Variants in C1orf141 observed in about 807,000 individuals in gnomAD.
The protein encoded by C1orf141 is chromosome 1 open reading frame 141.
C1orf141 carries 19 observed loss-of-function variants against 23.2 expected under a neutral mutation model. The observed-to-expected ratio is 0.82, with a 90% CI of 0.57 to 1.20. C1orf141 has a LOEUF of 1.20. C1orf141 is among the 50% of genes most tolerant of loss of function. The probability of loss-of-function intolerance (pLI) is 0.00; values close to 1 mark genes in which losing one functional copy is unlikely to be tolerated. For missense variants in C1orf141, 469 were observed against 455.1 expected (o/e 1.03, Z -0.28); for synonymous variants, 153 against 154.6 (o/e 0.99, Z 0.08).
chr1:67,127,838 T>C (rs1646445657), intron 2 of C1orf141, among the ~76,000 whole-genome samples: 1 of 152,106 alleles, frequency 6.6e-6, no homozygotes, highest in African/African-American at 2.4e-5. Flanking sequence ...GTTCATCATG[T>C]TGGCCAGGCT....
intron 4 of C1orf141, chr1:67,122,924 GC>G (rs1646327987): frequency 6.6e-6 from 1 of 152,040 alleles, no homozygotes; most frequent in African/African-American, 2.4e-5. Flanking sequence ...AGTGTGCTAG[GC>G]TGGATGCAGT....
intron 1 of C1orf141, among the ~76,000 whole-genome samples, chr1:67,132,901 C>T (rs747430947): frequency 6.6e-6 from 1 of 151,976 alleles, no homozygotes; most frequent in Non-Finnish European, 1.5e-5. Flanking sequence ...GTTGTTTGTT[C>T]GTTTGTTTTT....
At chr1:67,137,802 T>C (rs899385666), upstream of C1orf141, among the ~76,000 whole-genome samples, 2 of 152,256 alleles carry the variant, frequency 1.3e-5, no homozygotes, top group Non-Finnish European at 2.9e-5. Flanking sequence ...CTATAAATTC[T>C]TTACTATATA....
chr1:67,093,301 T>G lies in C1orf141; in HGVS notation c.907A>C (p.Lys303Gln). 6.2e-7 allele frequency: 1 copy of G among 1,613,670 alleles called. No homozygotes were observed. The highest frequency in any genetic ancestry group is 1.1e-5 in the South Asian group (1 of 91,070). ...VDDKLKKKTN[K>Q]QTLENRSWNT... The stretch of plus-strand genomic sequence containing the variant: ...CAAGATCTGTTTTCTAGTGTCTGCT[T>G]ATTAGTTTTCTTCTTTAGTTTATCA... Residue 303 changes from lysine (K) to glutamine (Q), a missense_variant, in exon 8 of 8, where the codon AAG becomes CAG. This residue lies in a region of C1orf141 where 370 missense variants were observed against 348.1 expected (regional missense o/e 1.06). Coordinates refer to ENST00000684719, the MANE Select transcript of C1orf141 (RefSeq NM_001276351.2).
chr1:67,098,831 A>G (rs1329010858), intron 5 of C1orf141, among the ~76,000 whole-genome samples: 5 of 152,158 alleles, frequency 3.3e-5, no homozygotes, highest in African/African-American at 7.2e-5. Flanking sequence ...AAAAATAAAA[A>G]CAGGTCAATA....
intron 5 of C1orf141, among the ~76,000 whole-genome samples, chr1:67,101,471 T>C (rs933286584): frequency 8.6e-5 from 13 of 151,248 alleles, no homozygotes; most frequent in African/African-American, 1.9e-4. Flanking sequence ...TGTGTGTGTG[T>C]GTGTGTGTGT....
rs572711551 is a variant in C1orf141, at chr1:67,128,740, C to T, written c.-17-1483G>A. 3.3e-5 allele frequency among the ~76,000 whole-genome samples: 5 copies of T among 152,074 alleles called. No individual in the cohort carries two copies. The East Asian group carries it at 7.7e-4, about 24-fold the overall frequency. On this transcript the variant is annotated intron_variant, in intron 2 of 7. Coordinates refer to ENST00000684719, the MANE Select transcript of C1orf141 (RefSeq NM_001276351.2). ...AAAATTGTGTAGATGACCATGCATT[C>T]AGTATACTTTTGCTCACTGAATTAA...
upstream of C1orf141, among the ~76,000 whole-genome samples, chr1:67,137,700 A>C (rs6588243): frequency 0.55 from 83,690 of 151,882 alleles, 23,345 homozygotes; most frequent in East Asian, 0.7. Context: ...AGCTCTTTCT[A>C]TCAGGCATAA....
rs574142534 is a variant in C1orf141, at chr1:67,093,283, T to C, written c.925A>G (p.Arg309Gly). 6 of 1,613,890 alleles carry C rather than the reference T, an allele frequency of 3.7e-6. No individual in the cohort carries two copies. The highest frequency in any genetic ancestry group is 1.1e-5 in the South Asian group (1 of 91,072). Residue 309 changes from arginine (R) to glycine (G), a missense_variant, in exon 8 of 8, where the codon AGA becomes GGA. Transcript: ENST00000684719. ...AAATTATAGAGTGTATTCCAAGATC[T>C]GTTTTCTAGTGTCTGCTTATTAGTT... Reference protein sequence around the residue: ...KKTNKQTLENRSWNTLYNFSQ... With the variant: ...KKTNKQTLENGSWNTLYNFSQ...
chr1:67,097,836 T>A (rs1020642438), intron 5 of C1orf141, among the ~76,000 whole-genome samples: 4 of 152,164 alleles, frequency 2.6e-5, no homozygotes, highest in Non-Finnish European at 5.9e-5. Flanking sequence ...GGGAAATCGT[T>A]GGCTTCAGTT....
At chr1:67,136,982 G>A (rs1214037986), upstream of C1orf141, among the ~76,000 whole-genome samples, 1 of 152,128 alleles carries the variant, frequency 6.6e-6, no homozygotes, top group Non-Finnish European at 1.5e-5. Flanking sequence ...GGGTAAAGGA[G>A]CCTAATGAAT....
At chr1:67,114,185 C>A (rs1334755134) in intron 5 of C1orf141, among the ~76,000 whole-genome samples, 1 of 151,898 alleles carries the variant, frequency 6.6e-6, no homozygotes, top group Non-Finnish European at 1.5e-5. Flanking sequence ...TTAGGGTGAA[C>A]TAGAATAGTT....
chr1:67,126,428 A>G (rs1305864202), intron 3 of C1orf141, among the ~76,000 whole-genome samples: 1 of 152,218 alleles, frequency 6.6e-6, no homozygotes, highest in African/African-American at 2.4e-5. Context: ...TGAGTAAAGG[A>G]GCCGAAAGTT....
At chr1:67,108,744 A>C (rs1191195422) in intron 5 of C1orf141, among the ~76,000 whole-genome samples, 1 of 152,062 alleles carries the variant, frequency 6.6e-6, no homozygotes, top group Admixed American at 6.6e-5. Context: ...ACAAACAAAC[A>C]ACAAAAACCA....
At chr1:67,137,238 T>G, upstream of C1orf141, among the ~76,000 whole-genome samples, 1 of 152,150 alleles carries the variant, frequency 6.6e-6, no homozygotes, top group Admixed American at 6.5e-5. Context: ...TGAAAGCTAT[T>G]GTATTTAGGG....
intron 5 of C1orf141, chr1:67,103,215 A>G (rs989758411): frequency 2.6e-5 from 35 of 1,324,838 alleles, no homozygotes; most frequent in African/African-American, 1.9e-4. Context: ...AGTTATTTCA[A>G]TGTAAACATG....
At chr1:67,107,482 C>T (rs1436419767) in intron 5 of C1orf141, among the ~76,000 whole-genome samples, 3 of 152,064 alleles carry the variant, frequency 2.0e-5, no homozygotes, top group Non-Finnish European at 4.4e-5. Flanking sequence ...CAAGTATATG[C>T]TGTATATAAA....
At chr1:67,133,074 A>C (rs1646543315) in intron 1 of C1orf141, among the ~76,000 whole-genome samples, 1 of 152,254 alleles carries the variant, frequency 6.6e-6, no homozygotes, top group African/African-American at 2.4e-5. Context: ...TCTAAAATAA[A>C]AATGTCTTAA....
At chr1:67,133,892 GT>G (rs1176561023) in intron 1 of C1orf141, among the ~76,000 whole-genome samples, 1 of 152,222 alleles carries the variant, frequency 6.6e-6, no homozygotes, top group Non-Finnish European at 1.5e-5. Context: ...TGTCTATGAT[GT>G]TTTGTCATGA....
Sources: gnomAD v4.1 joint callset for allele counts (sites outside exome capture counted in the v4.1 genomes callset) on GRCh38, gnomAD v4.1.1 for gene constraint, gnomAD v4.1.1 regional missense constraint, MANE v1.5 for transcripts, NCBI Gene and HGNC (gene_info 2026-07-23, HGNC 2026-07-21) for gene names.